SCN9A: variants seen among roughly 807,000 people sequenced by gnomAD.
SCN9A encodes the protein sodium channel protein type 9 subunit alpha.
In SCN9A, 131 loss-of-function variants were observed where a neutral mutation model predicts 187.0. The ratio of observed to expected loss-of-function variants is 0.70; its 90% CI spans 0.61 to 0.81. SCN9A has a LOEUF of 0.81. Among genes scored for constraint, SCN9A ranks in the 30% least tolerant of loss-of-function variants. SCN9A has a pLI of 0.00. For missense variants in SCN9A, 2,252 were observed against 2,396.6 expected, an observed-to-expected ratio of 0.94 and a Z score of 1.26; for synonymous variants, 809 against 808.6, an observed-to-expected ratio of 1.00 and a Z score of -0.01.
At chr2:166,200,916 G>A (rs1221682087) in intron 26 of SCN9A, among the ~76,000 whole-genome samples, 3 of 152,142 alleles carry the variant, frequency 2.0e-5, no homozygotes, top group South Asian at 2.1e-4. Flanking sequence ...GATTATAGGC[G>A]TGAGCCACAG....
At chr2:166,267,937 A>C (rs1696811438) in intron 17 of SCN9A, among the ~76,000 whole-genome samples, 1 of 152,006 alleles carries the variant, frequency 6.6e-6, no homozygotes, top group South Asian at 2.1e-4. Context: ...CAAACAATTC[A>C]AAGGATATGA....
At chr2:166,276,903 A>C in intron 16 of SCN9A, 80 bp downstream of exon 16, 1 of 1,056,418 alleles carries the variant, frequency 9.5e-7, no homozygotes, top group Non-Finnish European at 1.3e-6. Context: ...TTAATTATAA[A>C]ATTATAAAAA....
chr2:166,370,028 G>A (rs1700510419), intron 1 of SCN9A, among the ~76,000 whole-genome samples: 1 of 151,518 alleles, frequency 6.6e-6, no homozygotes, highest in Non-Finnish European at 1.5e-5. Context: ...TCATCTGCAT[G>A]GATTTGAATA....
At chr2:166,371,032 C>T (rs1700548490) in intron 1 of SCN9A, among the ~76,000 whole-genome samples, 1 of 152,062 alleles carries the variant, frequency 6.6e-6, no homozygotes, top group East Asian at 1.9e-4. Context: ...TAACACTTGA[C>T]ATAACAAGAG....
intron 1 of SCN9A, among the ~76,000 whole-genome samples, chr2:166,318,713 G>A (rs1699168127): frequency 1.3e-5 from 2 of 152,116 alleles, no homozygotes; most frequent in Admixed American, 1.3e-4. Flanking sequence ...TTACCCAAAA[G>A]GGGCACTTTA....
intron 1 of SCN9A, among the ~76,000 whole-genome samples, chr2:166,374,468 A>G (rs1161784535): frequency 2.0e-5 from 3 of 152,196 alleles, no homozygotes; most frequent in Non-Finnish European, 4.4e-5. Context: ...TAGCTTTCAA[A>G]CTAATCAATA....
In SCN9A at chr2:166,277,213, C is replaced by T; in HGVS notation, c.2644G>A (p.Val882Met). Residue 882 changes from valine (V) to methionine (M), a missense_variant, in exon 16 of 27, where the codon GTG becomes ATG. Val to Met is a conservative substitution (Grantham distance 21). This residue lies in a region of SCN9A where 119 missense variants were observed against 188.7 expected (regional missense o/e 0.63). Coordinates refer to ENST00000642356, the MANE Select transcript of SCN9A (RefSeq NM_001365536.1). Reference sequence around the variant, plus strand: ...TTACCAAAGAGCTGCATGCCGACCACAGCAAAAATGAAGACGATGATGGCC... The same window carrying T: ...TTACCAAAGAGCTGCATGCCGACCATAGCAAAAATGAAGACGATGATGGCC... ...VLAIIVFIFA[V>M]VGMQLFGKSY... The T allele has an allele frequency of 1.2e-6, 2 of 1,614,096 alleles. No homozygotes were observed. Among genetic ancestry groups the T allele is most frequent in the South Asian group, 1.1e-5 (1 of 91,082 alleles).
At chr2:166,223,449 C>T (rs1256352257) in intron 24 of SCN9A, among the ~76,000 whole-genome samples, 1 of 152,108 alleles carries the variant, frequency 6.6e-6, no homozygotes, top group Non-Finnish European at 1.5e-5. Flanking sequence ...TTGAATGAAC[C>T]TGGATAAATT....
At chr2:166,321,556 A>T (rs1699243172) in intron 1 of SCN9A, 1 of 152,054 alleles carries the variant, frequency 6.6e-6, no homozygotes, top group Admixed American at 6.6e-5. Flanking sequence ...ATTCAATAGA[A>T]ACAACACATA....
chr2:166,354,641 G>A (rs1290074759), intron 1 of SCN9A, among the ~76,000 whole-genome samples: 1 of 152,118 alleles, frequency 6.6e-6, no homozygotes, highest in Non-Finnish European at 1.5e-5. Context: ...GTATTTAATT[G>A]TTTTAGAAAC....
chr2:166,264,445 C>T (rs970084585), intron 17 of SCN9A, among the ~76,000 whole-genome samples: 17 of 152,000 alleles, frequency 1.1e-4, no homozygotes, highest in Admixed American at 3.3e-4. Flanking sequence ...GAGATAACAG[C>T]ATGTCTTTCT....
intron 6 of SCN9A, chr2:166,303,914 A>T: frequency 2.8e-6 from 3 of 1,061,316 alleles, no homozygotes; most frequent in Non-Finnish European, 4.2e-6. Context: ...GACTTTTGAT[A>T]ATGATTGTGG....
At chr2:166,225,244 A>G (rs138402843) in intron 24 of SCN9A, among the ~76,000 whole-genome samples, 1 of 152,200 alleles carries the variant, frequency 6.6e-6, no homozygotes, top group African/African-American at 2.4e-5. Context: ...TGGGTTAGCC[A>G]TTCTTTTGCC....
At chr2:166,351,372 T>C (rs1200013451) in intron 1 of SCN9A, among the ~76,000 whole-genome samples, 1 of 152,220 alleles carries the variant, frequency 6.6e-6, no homozygotes, top group Non-Finnish European at 1.5e-5. Flanking sequence ...TTAGGGATGA[T>C]ATGTGTCAAA....
chr2:166,275,390 G>C (rs1241961642), intron 16 of SCN9A, among the ~76,000 whole-genome samples: 2 of 151,984 alleles, frequency 1.3e-5, no homozygotes, highest in African/African-American at 2.4e-5. Context: ...TTCGAGACCA[G>C]CCTGGCCAAC....
Position 166,251,892 on chromosome 2 carries a change from A to G in SCN9A, c.3352-7T>C. The G allele has an allele frequency of 6.2e-7, 1 of 1,612,040 alleles. No homozygotes were observed. Among genetic ancestry groups the G allele is most frequent in the Non-Finnish European group, 8.5e-7 (1 of 1,178,784 alleles). On this transcript the variant is annotated splice_polypyrimidine_tract_variant and splice_region_variant and intron_variant, in intron 17 of 26. Transcript: ENST00000642356. ...AGCTTGACCGGTTTAATCTCTAGAA[A>G]GGAATTCACCACCCCACCAGGTAGT...
chr2:166,197,770 T>G lies in SCN9A; in HGVS notation c.*902A>C, dbSNP rs199567774. The G allele has an allele frequency of 6.6e-6, 1 of 152,186 alleles. No homozygotes were observed. The highest frequency in any genetic ancestry group is 1.5e-5 in the Non-Finnish European group (1 of 68,012). The allele number at this position is 152,186 out of a possible 1,614,324, so 9.4% of individuals were successfully genotyped here. A position where few individuals can be genotyped will look rare whatever the true frequency, so the allele number is the denominator to read the frequency against. ...AGCAGGAAAATTTGACAAAAGAGTT[T>G]AAGAGACTATTATCAGTATTTTGGG... On this transcript the variant is annotated 3_prime_UTR_variant, in exon 27 of 27. Coordinates refer to ENST00000642356, the MANE Select transcript of SCN9A (RefSeq NM_001365536.1).
At chr2:166,255,844 T>C (rs1347708417) in intron 17 of SCN9A, among the ~76,000 whole-genome samples, 1 of 151,462 alleles carries the variant, frequency 6.6e-6, no homozygotes, top group Non-Finnish European at 1.5e-5. Context: ...CAGACAGTGG[T>C]AAACTAAGCT....
At chr2:166,351,953 T>A (rs1014897312) in intron 1 of SCN9A, among the ~76,000 whole-genome samples, 2 of 152,202 alleles carry the variant, frequency 1.3e-5, no homozygotes, top group African/African-American at 4.8e-5. Flanking sequence ...ATATGTTTAC[T>A]GTTGTAAGAT....
Sources: allele counts gnomAD v4.1 joint callset (sites outside exome capture counted in the v4.1 genomes callset), GRCh38; gene constraint gnomAD v4.1.1; regional missense constraint gnomAD v4.1.1; transcripts MANE v1.5; gene names NCBI Gene and HGNC (gene_info 2026-07-23, HGNC 2026-07-21).